NARS2: variants seen among roughly 807,000 people sequenced by gnomAD.
The protein encoded by NARS2 is asparaginyl-tRNA synthetase.
In NARS2, 60 loss-of-function variants were observed where a neutral mutation model predicts 62.9. The ratio of observed to expected loss-of-function variants is 0.95; its 90% CI spans 0.77 to 1.18. The LOEUF is 1.18. NARS2 is among the 50% of genes most tolerant of loss of function. NARS2 has a pLI of 0.00. For missense variants in NARS2, 619 were observed against 576.4 expected (o/e 1.07, Z -0.76); for synonymous variants, 196 against 200.0 (o/e 0.98, Z 0.17).
intron 6 of NARS2, among the ~76,000 whole-genome samples, chr11:78,506,814 C>T (rs1006180001): frequency 1.3e-5 from 2 of 152,220 alleles, no homozygotes; most frequent in Non-Finnish European, 2.9e-5. Context: ...GTTGGGATTA[C>T]AGGCATCCGC....
At chr11:78,530,144 C>T (rs1861426956) in intron 5 of NARS2, among the ~76,000 whole-genome samples, 2 of 151,060 alleles carry the variant, frequency 1.3e-5, no homozygotes, top group South Asian at 4.2e-4. Flanking sequence ...AGTCAGAGAT[C>T]GATGAATGCC....
chr11:78,436,765 T>C lies in NARS2; in HGVS notation c.1339A>G (p.Met447Val), dbSNP rs953849956. 6 of 1,614,116 alleles carry C rather than the reference T, an allele frequency of 3.7e-6. No individual in the cohort carries two copies. Among genetic ancestry groups the C allele is most frequent in the Non-Finnish European group, 5.1e-6 (6 of 1,180,018 alleles). ...CACTGCAGGTAGCGTTCAAATCCCATCCCAAAACCTCCATGTGGCACAGAT... is the reference window on the plus strand; with the variant it reads ...CACTGCAGGTAGCGTTCAAATCCCACCCCAAAACCTCCATGTGGCACAGAT... ...FGSVPHGGFG[M>V]GFERYLQCIL... The change falls in exon 14 of 14, where the codon ATG (methionine) becomes GTG (valine). Residue 447 changes from methionine to valine, a missense_variant. Coordinates refer to ENST00000281038, the MANE Select transcript of NARS2 (RefSeq NM_024678.6).
intron 7 of NARS2, among the ~76,000 whole-genome samples, chr11:78,481,152 T>A (rs1859337734): frequency 1.3e-5 from 2 of 151,988 alleles, no homozygotes; most frequent in African/African-American, 4.8e-5. Flanking sequence ...AAATATAAGG[T>A]AAACCACTAA....
intron 8 of NARS2, 52 bp from the exon 9 acceptor site, chr11:78,478,527 T>C (rs1859207435): frequency 2.3e-6 from 3 of 1,278,402 alleles, no homozygotes; most frequent in Admixed American, 2.2e-5. Flanking sequence ...TTATTCATTA[T>C]GTATAATTAA....
chr11:78,470,897 T>TC (rs1476854465), intron 9 of NARS2, among the ~76,000 whole-genome samples: 1 of 151,152 alleles, frequency 6.6e-6, no homozygotes, highest in African/African-American at 2.4e-5. Context: ...TTTTTTTTTT[T>TC]TTTTTACAAA....
At chr11:78,552,380 A>G (rs1008113790) in intron 5 of NARS2, among the ~76,000 whole-genome samples, 1 of 151,954 alleles carries the variant, frequency 6.6e-6, no homozygotes, top group African/African-American at 2.4e-5. Flanking sequence ...TATTTTCTTT[A>G]TCCAGTCTGT....
intron 11 of NARS2, among the ~76,000 whole-genome samples, chr11:78,465,175 T>C (rs1275087037): frequency 2.6e-5 from 4 of 152,204 alleles, no homozygotes; most frequent in Non-Finnish European, 2.9e-5. Flanking sequence ...GCCCAGGTGC[T>C]AAGCCCCTCA....
intron 7 of NARS2, among the ~76,000 whole-genome samples, chr11:78,482,951 G>A (rs1175688916): frequency 6.6e-6 from 1 of 152,056 alleles, no homozygotes; most frequent in Non-Finnish European, 1.5e-5. Context: ...GAAAATTTCA[G>A]GCCAATATCC....
chr11:78,563,885 GTATTATTAT>G (rs550249150), intron 4 of NARS2, among the ~76,000 whole-genome samples: 16 of 82,060 alleles, frequency 1.9e-4, no homozygotes, highest in East Asian at 1.5e-3. Context: ...CACACACACA[GTATTATTAT>G]TATTATTATT....
intron 4 of NARS2, among the ~76,000 whole-genome samples, chr11:78,562,258 T>C (rs1436582765): frequency 1.3e-5 from 2 of 151,452 alleles, no homozygotes; most frequent in African/African-American, 4.9e-5. Flanking sequence ...ATCCCATCTC[T>C]ACAAAAAATA....
chr11:78,543,305 G>A (rs149723337), intron 5 of NARS2, among the ~76,000 whole-genome samples: 33 of 152,306 alleles, frequency 2.2e-4, no homozygotes, highest in African/African-American at 7.7e-4. Context: ...AGTCAACAAT[G>A]CCATGGAATG....
chr11:78,516,338 T>C (rs531494000), intron 6 of NARS2, among the ~76,000 whole-genome samples: 1 of 152,188 alleles, frequency 6.6e-6, no homozygotes, highest in Admixed American at 6.5e-5. Context: ...ACAAAAGGAA[T>C]AGAATCTACA....
intron 5 of NARS2, among the ~76,000 whole-genome samples, chr11:78,544,567 C>G (rs551663561): frequency 6.6e-6 from 1 of 152,196 alleles, no homozygotes; most frequent in South Asian, 2.1e-4. Flanking sequence ...CTGAGGCAGG[C>G]AGATCACTTG....
intron 11 of NARS2, among the ~76,000 whole-genome samples, chr11:78,460,821 C>T (rs919671604): frequency 1.3e-5 from 2 of 152,142 alleles, no homozygotes; most frequent in African/African-American, 4.8e-5. Context: ...AGAGGTTCTG[C>T]ATTTGTGGAT....
At chr11:78,510,039 A>G (rs765491871) in intron 6 of NARS2, among the ~76,000 whole-genome samples, 1 of 152,154 alleles carries the variant, frequency 6.6e-6, no homozygotes, top group Non-Finnish European at 1.5e-5. Flanking sequence ...AGAACCAACT[A>G]AAGAAAAACA....
At position 78,565,024 on chromosome 11, in the gene NARS2, AG is replaced by A. The variant is rs1337675604; in HGVS notation, c.513+1107del. On this transcript the variant is annotated intron_variant, in intron 4 of 13. Coordinates refer to ENST00000281038, the MANE Select transcript of NARS2 (RefSeq NM_024678.6). ...TTAGGTGGATCTGGAGAAGTACCAC[AG>A]GAAGCCTCACAAAACCACGTGGAAT... Among the ~76,000 whole-genome samples the A allele has an allele frequency of 4.6e-5, 7 of 152,350 alleles. No individual in the cohort carries two copies. In the East Asian group the frequency reaches 1.4e-3, roughly 29 times the overall value.
At chr11:78,574,167 A>G (rs940286404) in intron 1 of NARS2, among the ~76,000 whole-genome samples, 181 bp downstream of exon 1, 1 of 152,246 alleles carries the variant, frequency 6.6e-6, no homozygotes, top group Non-Finnish European at 1.5e-5. Flanking sequence ...CTTTACAGTT[A>G]TCGGAACAGT....
intron 5 of NARS2, among the ~76,000 whole-genome samples, chr11:78,530,243 G>T (rs1434350887): frequency 1.3e-5 from 2 of 151,772 alleles, no homozygotes; most frequent in Non-Finnish European, 2.9e-5. Flanking sequence ...CTAAATACTT[G>T]ATCTGATATA....
chr11:78,544,018 CAAAAAAA>C (rs10688131), intron 5 of NARS2, among the ~76,000 whole-genome samples: 2 of 73,918 alleles, frequency 2.7e-5, no homozygotes, highest in Non-Finnish European at 4.7e-5. Flanking sequence ...GACTCTGTCT[CAAAAAAA>C]AAAAAAAAAA....
Sources: allele counts gnomAD v4.1 joint callset (sites outside exome capture counted in the v4.1 genomes callset), GRCh38; gene constraint gnomAD v4.1.1; transcripts MANE v1.5; gene names NCBI Gene and HGNC (gene_info 2026-07-23, HGNC 2026-07-21).